The following ASIC2 variants were observed in gnomAD, a reference collection of about 807,000 sequenced individuals.
ASIC2 encodes acid sensing ion channel subunit 2.
ASIC2 carries 25 observed loss-of-function variants against 57.3 expected under a neutral mutation model. The ratio of observed to expected loss-of-function variants is 0.44; its 90% CI spans 0.32 to 0.61. The LOEUF (loss-of-function observed/expected upper bound fraction) is 0.61, where lower values mean the gene tolerates loss of function less well. ASIC2 is among the 20% of genes least tolerant of loss of function. The pLI, the probability that ASIC2 is intolerant of heterozygous loss-of-function variation, is 0.06. For synonymous variants in ASIC2, 319 were observed against 307.5 expected, an observed-to-expected ratio of 1.04 and a Z score of -0.39; for missense variants, 641 against 738.1, an observed-to-expected ratio of 0.87 and a Z score of 1.52.
intron 1 of ASIC2, among the ~76,000 whole-genome samples, chr17:33,960,666 G>A (rs960500026): frequency 2.6e-5 from 4 of 152,130 alleles, no homozygotes; most frequent in Non-Finnish European, 4.4e-5. Flanking sequence ...TGGATTTTCA[G>A]TTTCTAGAAT....
At chr17:33,920,183 GTTA>G (rs1478718891) in intron 1 of ASIC2, among the ~76,000 whole-genome samples, 1 of 152,018 alleles carries the variant, frequency 6.6e-6, no homozygotes, top group Non-Finnish European at 1.5e-5. Context: ...AAAATAAACA[GTTA>G]TTATATCAGA....
intron 1 of ASIC2, among the ~76,000 whole-genome samples, chr17:33,674,755 G>A (rs764543845): frequency 4.6e-5 from 7 of 152,256 alleles, no homozygotes; most frequent in Non-Finnish European, 1.0e-4. Context: ...GCTGTCCCTG[G>A]CTGGCCTGAA....
intron 1 of ASIC2, among the ~76,000 whole-genome samples, chr17:33,320,236 A>C (rs1287754430): frequency 6.6e-6 from 1 of 152,178 alleles, no homozygotes; most frequent in Non-Finnish European, 1.5e-5. Context: ...ATCCTCTTGT[A>C]AATTTTGAGG....
chr17:33,389,717 A>G (rs1909822320), intron 1 of ASIC2, among the ~76,000 whole-genome samples: 1 of 152,210 alleles, frequency 6.6e-6, no homozygotes, highest in Admixed American at 6.5e-5. Context: ...TGACAAGAAT[A>G]TTCTGTCTGT....
intron 1 of ASIC2, among the ~76,000 whole-genome samples, chr17:33,405,889 A>G (rs1282757607): frequency 3.3e-5 from 5 of 151,956 alleles, no homozygotes; most frequent in East Asian, 3.9e-4. Context: ...CTCCACTCCA[A>G]TCACCCAGGG....
At chr17:33,826,524 C>G (rs548880863) in intron 1 of ASIC2, among the ~76,000 whole-genome samples, 3 of 152,180 alleles carry the variant, frequency 2.0e-5, no homozygotes, top group Admixed American at 6.5e-5. Context: ...GCTGGAGGAA[C>G]GTTGGCGATC....
intron 1 of ASIC2, among the ~76,000 whole-genome samples, chr17:33,279,462 T>C (rs1904848432): frequency 6.6e-6 from 1 of 152,166 alleles, no homozygotes; most frequent in Non-Finnish European, 1.5e-5. Flanking sequence ...AACTCATAAA[T>C]CCAGGAGGAT....
chr17:33,913,955 G>A (rs150468023), intron 1 of ASIC2, among the ~76,000 whole-genome samples: 3 of 152,272 alleles, frequency 2.0e-5, no homozygotes, highest in Admixed American at 1.3e-4. Flanking sequence ...ACTAAAACTC[G>A]GAGACTATGT....
chr17:33,552,005 T>C (rs979059811), intron 1 of ASIC2, among the ~76,000 whole-genome samples: 1 of 152,172 alleles, frequency 6.6e-6, no homozygotes, highest in African/African-American at 2.4e-5. Flanking sequence ...ATTGGGGGCC[T>C]GAGAACCAGG....
chr17:33,818,125 AG>A (rs1487945247), intron 1 of ASIC2, among the ~76,000 whole-genome samples: 2 of 152,168 alleles, frequency 1.3e-5, no homozygotes, highest in African/African-American at 4.8e-5. Flanking sequence ...CCTGGAGTTG[AG>A]GGATAAGGAA....
intron 2 of ASIC2, among the ~76,000 whole-genome samples, chr17:33,091,392 G>A (rs1445591552): frequency 6.6e-6 from 1 of 152,214 alleles, no homozygotes; most frequent in Non-Finnish European, 1.5e-5. Flanking sequence ...CTCCTTCAGT[G>A]AGCCGTGGGA....
chr17:33,242,950 C>A (rs993655452), intron 1 of ASIC2, among the ~76,000 whole-genome samples: 6 of 152,196 alleles, frequency 3.9e-5, no homozygotes, highest in African/African-American at 1.4e-4. Context: ...CACACCAGCC[C>A]AGCTCACTGG....
intron 1 of ASIC2, chr17:33,534,100 G>A (rs993793297): frequency 1.3e-5 from 2 of 152,056 alleles, no homozygotes; most frequent in Non-Finnish European, 2.9e-5. Context: ...CCCTTGCTAC[G>A]ATGCTGTCAA....
At chr17:33,939,511 C>T (rs1360481825) in intron 1 of ASIC2, among the ~76,000 whole-genome samples, 2 of 152,198 alleles carry the variant, frequency 1.3e-5, no homozygotes, top group African/African-American at 4.8e-5. Context: ...TCCTCTAATT[C>T]CCTGGATCCC....
chr17:33,653,165 T>A (rs1444268713), intron 1 of ASIC2, among the ~76,000 whole-genome samples: 1 of 152,142 alleles, frequency 6.6e-6, no homozygotes, highest in African/African-American at 2.4e-5. Context: ...ATTTCCAGGG[T>A]AAAGGAAACT....
chr17:33,441,114 A>G (rs1374784280), intron 1 of ASIC2, among the ~76,000 whole-genome samples: 5 of 151,868 alleles, frequency 3.3e-5, no homozygotes, highest in South Asian at 4.2e-4. Context: ...GACTACAACC[A>G]TGTGCTACCA....
In ASIC2 at chr17:33,226,619, T is replaced by C. The variant is rs548801946; in HGVS notation, c.708+64789A>G. Among the ~76,000 whole-genome samples the C allele has an allele frequency of 3.9e-5, 6 of 152,292 alleles. No homozygotes were observed. The East Asian group carries it at 9.6e-4, about 24-fold the overall frequency. On this transcript the variant is annotated intron_variant, in intron 1 of 9. Transcript: ENST00000225823. Reference sequence around the variant, plus strand: ...CAATTATATATAATCCACTTATCTGTTTATGTGTTGTTTGGGTCTCTGTCT... The same window carrying C: ...CAATTATATATAATCCACTTATCTGCTTATGTGTTGTTTGGGTCTCTGTCT...
At chr17:33,951,246 G>A (rs1038315423) in intron 1 of ASIC2, among the ~76,000 whole-genome samples, 1 of 152,168 alleles carries the variant, frequency 6.6e-6, no homozygotes, top group Admixed American at 6.5e-5. Flanking sequence ...CACCTTCACA[G>A]TGGCCCTCGG....
intron 1 of ASIC2, among the ~76,000 whole-genome samples, chr17:33,582,744 C>T (rs552450199): frequency 6.6e-6 from 1 of 152,288 alleles, no homozygotes; most frequent in Non-Finnish European, 1.5e-5. Context: ...CGATTGGTCT[C>T]CACACCCCAC....
Sources: gnomAD v4.1 joint callset for allele counts (sites outside exome capture counted in the v4.1 genomes callset) on GRCh38, gnomAD v4.1.1 for gene constraint, MANE v1.5 for transcripts, NCBI Gene and HGNC (gene_info 2026-07-23, HGNC 2026-07-21) for gene names.